NELL1: variants seen among roughly 807,000 people sequenced by gnomAD.
NELL1 encodes protein kinase C-binding protein NELL1.
A neutral mutation model predicts 107.4 loss-of-function variants in NELL1; 76 were observed. The ratio of observed to expected loss-of-function variants is 0.71; its 90% confidence interval spans 0.59 to 0.86. The LOEUF (loss-of-function observed/expected upper bound fraction) is 0.86, where lower values mean the gene tolerates loss of function less well. NELL1 is among the 40% of genes least tolerant of loss of function. NELL1 has a pLI of 0.00. For synonymous variants in NELL1, 353 were observed against 341.2 expected (o/e 1.03, Z -0.38); for missense variants, 1,024 against 1,005.5 (o/e 1.02, Z -0.25).
intron 3 of NELL1, among the ~76,000 whole-genome samples, chr11:20,797,714 A>G (rs961824733): frequency 2.0e-5 from 3 of 152,064 alleles, no homozygotes; most frequent in Non-Finnish European, 2.9e-5. Flanking sequence ...ATGTAGTTCT[A>G]TATTAGGGGA....
At position 21,290,971 on chromosome 11, in the gene NELL1, C is replaced by T. The variant is rs78680141; in HGVS notation, c.1549+61517C>T. ...TCACAGCTCCTCTCCAGTAAGGGAA[C>T]GAAACTGGACAGAGAATGAGTTTCA... On this transcript the variant is annotated intron_variant, in intron 14 of 19. Coordinates refer to ENST00000357134, the MANE Select transcript of NELL1 (RefSeq NM_006157.5). 4.8e-4 allele frequency among the ~76,000 whole-genome samples: 73 copies of T among 152,036 alleles called. No individual in the cohort carries two copies. In the East Asian group the frequency reaches 9.9e-3, roughly 21 times the overall value.
intron 16 of NELL1, among the ~76,000 whole-genome samples, chr11:21,535,729 T>C (rs1340517978): frequency 1.3e-5 from 2 of 152,218 alleles, no homozygotes; most frequent in Admixed American, 6.5e-5. Flanking sequence ...AATGTTTATA[T>C]GTTTTTGAGA....
At chr11:21,013,819 G>T (rs150073060) in intron 12 of NELL1, among the ~76,000 whole-genome samples, 1 of 151,872 alleles carries the variant, frequency 6.6e-6, no homozygotes, top group Non-Finnish European at 1.5e-5. Context: ...TATCCCATTC[G>T]GGCTACCACT....
chr11:20,870,440 G>A (rs1564942878), intron 4 of NELL1, among the ~76,000 whole-genome samples: 1 of 73,534 alleles, frequency 1.4e-5, no homozygotes, highest in South Asian at 5.5e-4. Flanking sequence ...GACATCTCTG[G>A]CAACTAATTT....
At chr11:20,889,553 C>T (rs1260030932) in intron 5 of NELL1, among the ~76,000 whole-genome samples, 1 of 152,180 alleles carries the variant, frequency 6.6e-6, no homozygotes, top group Non-Finnish European at 1.5e-5. Context: ...GCACAAATCT[C>T]AGTGATTATT....
intron 3 of NELL1, among the ~76,000 whole-genome samples, chr11:20,785,532 G>T (rs1856936794): frequency 6.6e-6 from 1 of 152,222 alleles, no homozygotes; most frequent in Non-Finnish European, 1.5e-5. Flanking sequence ...TTATACAAAT[G>T]CCCAAAGTAG....
rs537983095 is a variant in NELL1 at position 20,838,618 on chromosome 11, G to A, written c.336-8965G>A. 1.2e-4 allele frequency among the ~76,000 whole-genome samples: 19 copies of A among 152,002 alleles called. No individual in the cohort carries two copies. In the South Asian group the frequency reaches 4.0e-3, roughly 32 times the overall value. On this transcript the variant is annotated intron_variant, in intron 3 of 19. Coordinates refer to ENST00000357134, the MANE Select transcript of NELL1 (RefSeq NM_006157.5). ...AGAAGACTGGGTACAGGATGGGAGG[G>A]AAATTTTTCACTGAGTACCTTTATA...
At chr11:21,519,142 C>A (rs1855647183) in intron 15 of NELL1, among the ~76,000 whole-genome samples, 1 of 152,180 alleles carries the variant, frequency 6.6e-6, no homozygotes, top group South Asian at 2.1e-4. Context: ...GTCATTTAAC[C>A]ATGAAAGTCA....
intron 5 of NELL1, among the ~76,000 whole-genome samples, chr11:20,890,118 C>T (rs1849588428): frequency 2.6e-5 from 4 of 152,172 alleles, no homozygotes; most frequent in East Asian, 1.9e-4. Context: ...AGTTTGGTGT[C>T]GTTCGAGGTC....
chr11:21,284,229 T>A (rs1179625130), intron 14 of NELL1: 1 of 456,652 alleles, frequency 2.2e-6, no homozygotes, highest in Non-Finnish European at 4.4e-6. Context: ...GTCATTCATT[T>A]AAAAAATTTG....
Position 21,327,181 on chromosome 11 carries a change from G to C in NELL1, c.1550-43672G>C, listed in dbSNP as rs559836886. Reference sequence around the variant, plus strand: ...TCTGATGTTTTTTTTTTTTTTTTGTGGGGGGGACTGTTGTGGGGTGTAGGA... The same window carrying C: ...TCTGATGTTTTTTTTTTTTTTTTGTCGGGGGGACTGTTGTGGGGTGTAGGA... On this transcript the variant is annotated intron_variant, in intron 14 of 19. Coordinates refer to ENST00000357134, the MANE Select transcript of NELL1 (RefSeq NM_006157.5). 4.8e-3 allele frequency among the ~76,000 whole-genome samples: 521 copies of C among 108,566 alleles called. 3 individuals carry two copies. Among genetic ancestry groups the C allele is most frequent in the African/African-American group, 6.4e-3 (182 of 28,538 alleles). The allele number at this position is 108,566 out of a possible 152,430, so 71.2% of individuals were successfully genotyped here.
chr11:21,241,477 T>C (rs1858357828), intron 14 of NELL1, among the ~76,000 whole-genome samples: 1 of 152,156 alleles, frequency 6.6e-6, no homozygotes, highest in Non-Finnish European at 1.5e-5. Context: ...TAAACTAGCT[T>C]AGGCTTACGC....
chr11:21,140,359 A>G (rs1855839067), intron 13 of NELL1, among the ~76,000 whole-genome samples: 1 of 152,242 alleles, frequency 6.6e-6, no homozygotes, highest in South Asian at 2.1e-4. Context: ...TATTACAATC[A>G]TGTGCTGTGT....
At chr11:20,698,570 T>C (rs1854682923) in intron 2 of NELL1, among the ~76,000 whole-genome samples, 1 of 152,332 alleles carries the variant, frequency 6.6e-6, no homozygotes, top group African/African-American at 2.4e-5. Context: ...ATAATGATAA[T>C]GTCCAAGGTA....
chr11:20,675,344 T>G (rs530251692), intron 1 of NELL1, among the ~76,000 whole-genome samples: 2 of 152,340 alleles, frequency 1.3e-5, no homozygotes, highest in East Asian at 3.9e-4. Context: ...AGTCAACCAC[T>G]GTCCTTTTGG....
chr11:21,435,506 T>TC (rs1305037389), intron 15 of NELL1, among the ~76,000 whole-genome samples: 2 of 151,580 alleles, frequency 1.3e-5, no homozygotes, highest in Non-Finnish European at 2.9e-5. Context: ...GTTTTTTGTT[T>TC]TTTTTTACCA....
At chr11:21,298,408 G>A (rs1224647073) in intron 14 of NELL1, among the ~76,000 whole-genome samples, 1 of 151,860 alleles carries the variant, frequency 6.6e-6, no homozygotes, top group African/African-American at 2.4e-5. Flanking sequence ...CCTTAGTAGT[G>A]AAATGGATCT....
At chr11:21,454,216 A>G (rs1369874071) in intron 15 of NELL1, among the ~76,000 whole-genome samples, 1 of 148,954 alleles carries the variant, frequency 6.7e-6, no homozygotes, top group Non-Finnish European at 1.5e-5. Flanking sequence ...ACTGAGAATG[A>G]TGATTTCCAA....
At chr11:21,351,397 C>A (rs772019784) in intron 14 of NELL1, among the ~76,000 whole-genome samples, 14 of 152,018 alleles carry the variant, frequency 9.2e-5, no homozygotes, top group Non-Finnish European at 2.1e-4. Context: ...ATTACAAGGC[C>A]TCCCAGTTCA....
Sources: allele counts gnomAD v4.1 joint callset (sites outside exome capture counted in the v4.1 genomes callset), GRCh38; gene constraint gnomAD v4.1.1; transcripts MANE v1.5; gene names NCBI Gene and HGNC (gene_info 2026-07-23, HGNC 2026-07-21).